The following RRAGC variants were observed in gnomAD, a reference collection of about 807,000 sequenced individuals.
RRAGC encodes the protein Ras related GTP binding C.
Under a neutral mutation model 37.1 loss-of-function variants are expected in RRAGC, and 8 were observed. The observed-to-expected ratio is 0.22, with a 90% CI of 0.13 to 0.39. The LOEUF (loss-of-function observed/expected upper bound fraction) is 0.39. Among genes scored for constraint, RRAGC ranks in the 10% least tolerant of loss-of-function variants. The probability of loss-of-function intolerance (pLI) is 1.00; values close to 1 mark genes in which losing one functional copy is unlikely to be tolerated. For missense variants in RRAGC, 342 were observed against 497.6 expected (o/e 0.69, Z 2.98); for synonymous variants, 190 against 181.1 (o/e 1.05, Z -0.39).
At chr1:38,853,621 C>T (rs1016049950) in intron 3 of RRAGC, among the ~76,000 whole-genome samples, 1 of 152,100 alleles carries the variant, frequency 6.6e-6, no homozygotes, top group Non-Finnish European at 1.5e-5. Context: ...GTGGCGCATG[C>T]CTGTAATCCC....
Position 38,859,477 on chromosome 1 carries a change from G to C in RRAGC, c.170C>G (p.Ala57Gly). 6.5e-7 allele frequency: 1 copy of C among 1,548,014 alleles called. No individual in the cohort carries two copies. Among genetic ancestry groups the C allele is most frequent in the Non-Finnish European group, 8.7e-7 (1 of 1,146,654 alleles). ...GAGGGCGPGG[A>G]DSSKPRILLM... ...CAGAATCCTCGGCTTGGAGCTGTCA[G>C]CGCCCCCCGGACCACAGCCACCGCC... Residue 57 changes from alanine (A) to glycine (G), a missense_variant, in exon 1 of 7, where the codon GCT becomes GGT. Coordinates refer to ENST00000373001, the MANE Select transcript of RRAGC (RefSeq NM_022157.4).
intron 6 of RRAGC, among the ~76,000 whole-genome samples, chr1:38,844,052 T>C (rs368770557): frequency 4.6e-5 from 7 of 151,852 alleles, no homozygotes; most frequent in East Asian, 3.9e-4. Context: ...CATAGAAGAA[T>C]AGAAAAAGGA....
intron 5 of RRAGC, among the ~76,000 whole-genome samples, chr1:38,850,844 G>A (rs11588535): frequency 1.0e-5 from 1 of 98,734 alleles, no homozygotes; most frequent in East Asian, 4.1e-4. Context: ...TTTTTTTGTT[G>A]TTTTTTTTTG....
At chr1:38,844,140 G>A (rs1455127434) in intron 6 of RRAGC, among the ~76,000 whole-genome samples, 1 of 151,786 alleles carries the variant, frequency 6.6e-6, no homozygotes, top group Non-Finnish European at 1.5e-5. Context: ...TAACTACAAG[G>A]TATCTACACT....
At chr1:38,852,009 T>C (rs540711992) in intron 4 of RRAGC, among the ~76,000 whole-genome samples, 3 of 152,330 alleles carry the variant, frequency 2.0e-5, no homozygotes, top group African/African-American at 7.2e-5. Flanking sequence ...CTCAAATGAA[T>C]TGTTTTCTAA....
Position 38,839,636 on chromosome 1 carries a change from A to G in RRAGC, c.1117T>C (p.Ser373Pro). Residue 373 changes from serine (S) to proline (P), a missense_variant, in exon 7 of 7, where the codon TCT (serine) becomes CCT (proline). Physicochemically the swap from Ser to Pro is moderately conservative, Grantham distance 74. Coordinates refer to ENST00000373001, the MANE Select transcript of RRAGC (RefSeq NM_022157.4). The stretch of plus-strand genomic sequence containing the variant: ...GTCTGGTGACCACAGCTCCTGTGAG[A>G]AGTCACACCCACCTCAAAAACCTCA... ...IHEVFEVGVT[S>P]HRSCGHQTSA... 6.2e-7 allele frequency: 1 copy of G among 1,614,184 alleles called. No individual in the cohort carries two copies. The highest frequency in any genetic ancestry group is 8.5e-7 in the Non-Finnish European group (1 of 1,180,028).
At position 38,859,723 on chromosome 1, in the gene RRAGC, T is replaced by TCCG. The variant is rs915993418; in HGVS notation, c.-80_-78dup. The TCCG allele has an allele frequency of 1.2e-4, 136 of 1,167,408 alleles. No homozygotes were observed. The highest frequency in any genetic ancestry group is 1.1e-3 in the East Asian group (32 of 30,172). 72.3% of individuals were successfully genotyped at this position (1,167,408 alleles called of 1,614,324 possible). ...CAGGCCGCCGCCTCCCCAGTCCGCC[T>TCCG]CCGCCGCCGCCGCCACCACCGCCAC... is the stretch of plus-strand genomic sequence containing the variant. On this transcript the variant is annotated 5_prime_UTR_variant, in exon 1 of 7. Coordinates refer to ENST00000373001, the MANE Select transcript of RRAGC (RefSeq NM_022157.4).
chr1:38,855,984 CT>C, intron 2 of RRAGC, 77 bp from the exon 3 acceptor site: 1 of 930,352 alleles, frequency 1.1e-6, no homozygotes, highest in East Asian at 2.6e-5. Context: ...CAAACCACCT[CT>C]TTCCCCAACC....
chr1:38,857,509 T>C (rs1642181923), intron 1 of RRAGC, among the ~76,000 whole-genome samples: 1 of 152,160 alleles, frequency 6.6e-6, no homozygotes, highest in African/African-American at 2.4e-5. Flanking sequence ...ATTTAAAAAG[T>C]GAAACAGACT....
intron 4 of RRAGC, 107 bp downstream of exon 4, chr1:38,852,267 T>G (rs984248447): frequency 5.8e-5 from 42 of 725,690 alleles, no homozygotes; most frequent in Non-Finnish European, 9.7e-5. Flanking sequence ...GTCTTTGTAC[T>G]TGATACAGAT....
At chr1:38,858,083 A>G (rs1428289824) in intron 1 of RRAGC, among the ~76,000 whole-genome samples, 1 of 152,248 alleles carries the variant, frequency 6.6e-6, no homozygotes, top group Non-Finnish European at 1.5e-5. Context: ...CTCAGTAACA[A>G]ATGTGAATAA....
At chr1:38,844,185 G>T (rs1642001018) in intron 6 of RRAGC, among the ~76,000 whole-genome samples, 1 of 152,120 alleles carries the variant, frequency 6.6e-6, no homozygotes, top group African/African-American at 2.4e-5. Flanking sequence ...AGTGACAGAA[G>T]TATGACAGCC....
intron 5 of RRAGC, chr1:38,846,298 C>T (rs570651527): frequency 8.3e-5 from 39 of 468,628 alleles, no homozygotes; most frequent in African/African-American, 7.6e-4. Flanking sequence ...CATACACATC[C>T]TTTAATATAG....
At chr1:38,858,090 A>C (rs759584803) in intron 1 of RRAGC, among the ~76,000 whole-genome samples, 1 of 152,256 alleles carries the variant, frequency 6.6e-6, no homozygotes, top group African/African-American at 2.4e-5. Context: ...ACAAATGTGA[A>C]TAACTGAAAT....
At chr1:38,853,102 GC>G (rs1234175434) in intron 3 of RRAGC, among the ~76,000 whole-genome samples, 6 of 152,166 alleles carry the variant, frequency 3.9e-5, no homozygotes, top group Non-Finnish European at 8.8e-5. Flanking sequence ...CTAGCAGCAA[GC>G]CCACTTCCCT....
intron 2 of RRAGC, among the ~76,000 whole-genome samples, 169 bp from the exon 3 acceptor site, chr1:38,856,076 C>G (rs1159572257): frequency 1.3e-5 from 2 of 151,988 alleles, no homozygotes; most frequent in African/African-American, 2.4e-5. Flanking sequence ...TCAATTGTCT[C>G]AAGATAAAAA....
In RRAGC at chr1:38,839,491, C is replaced by T. The variant is rs181882194; in HGVS notation, c.*62G>A. On this transcript the variant is annotated 3_prime_UTR_variant, in exon 7 of 7. Coordinates refer to ENST00000373001, the MANE Select transcript of RRAGC (RefSeq NM_022157.4). ...GCAGCAGCTCCCATGTCCTGTAGCA[C>T]GTGGCATCCGACCCTGGAGTGAAGA... 4.1e-4 allele frequency: 655 copies of T among 1,582,258 alleles called. 3 individuals carry two copies. The African/African-American group carries it at 7.2e-3, about 17-fold the overall frequency.
chr1:38,855,384 A>G (rs1642156224), intron 3 of RRAGC, among the ~76,000 whole-genome samples: 1 of 152,230 alleles, frequency 6.6e-6, no homozygotes, highest in African/African-American at 2.4e-5. Context: ...AAGGCGGGGA[A>G]AAGTAATGAA....
At chr1:38,851,779 C>A in intron 4 of RRAGC, 22 bp from the exon 5 acceptor site, 1 of 1,598,184 alleles carries the variant, frequency 6.3e-7, no homozygotes, top group Non-Finnish European at 8.5e-7. Flanking sequence ...AAATGGGAAA[C>A]TGTTCAGTAT....
Sources: allele counts gnomAD v4.1 joint callset (sites outside exome capture counted in the v4.1 genomes callset), GRCh38; gene constraint gnomAD v4.1.1; transcripts MANE v1.5; gene names NCBI Gene and HGNC (gene_info 2026-07-23, HGNC 2026-07-21).